The following SORBS2 variants were observed in gnomAD, a reference collection of about 807,000 sequenced individuals.
The protein encoded by SORBS2 is sorbin and SH3 domain containing 2, also known as sorbin and SH3 domain-containing protein 2.
A neutral mutation model predicts 97.7 loss-of-function variants in SORBS2; 46 were observed. The observed-to-expected ratio is 0.47, with a 90% CI of 0.37 to 0.60. The LOEUF is 0.60. Among genes scored for constraint, SORBS2 ranks in the 20% least tolerant of loss-of-function variants. SORBS2 has a pLI of 0.00. For synonymous variants in SORBS2, 476 were observed against 473.4 expected (o/e 1.01, Z -0.07); for missense variants, 1,316 against 1,282.3 (o/e 1.03, Z -0.40).
intron 2 of SORBS2, among the ~76,000 whole-genome samples, chr4:185,759,675 TA>T (rs1457365775): frequency 3.3e-5 from 5 of 152,054 alleles, no homozygotes; most frequent in African/African-American, 1.2e-4. Flanking sequence ...TTGATGATAT[TA>T]AGCTGTGGTT....
chr4:185,652,923 C>T lies in SORBS2; in HGVS notation c.25-195G>A, dbSNP rs140121050. Among the ~76,000 whole-genome samples the T allele has an allele frequency of 2.8e-3, 428 of 152,218 alleles. 3 individuals are homozygous for T. Among genetic ancestry groups the T allele is most frequent in the African/African-American group, 9.6e-3 (400 of 41,540 alleles). ...TGTGTGCAGTTTGTAAACATATGGC[C>T]TTGTGTTTGAATTTAGGCTGAGTTG... On this transcript the variant is annotated intron_variant, in intron 1 of 14. Coordinates refer to ENST00000418609, the Ensembl canonical transcript of SORBS2.
chr4:185,735,838 C>T (rs1371551621), intron 2 of SORBS2, among the ~76,000 whole-genome samples: 1 of 152,166 alleles, frequency 6.6e-6, no homozygotes, highest in African/African-American at 2.4e-5. Flanking sequence ...GCAATTAACA[C>T]ATATCCCAGA....
In SORBS2 at chr4:185,690,650, G is replaced by A. The variant is rs1582820376; in HGVS notation, c.-197-11828C>T. 5 of 870,484 alleles carry A rather than the reference G, an allele frequency of 5.7e-6. No individual in the cohort carries two copies. In the East Asian group the frequency reaches 1.1e-4, roughly 19 times the overall value. 53.9% of individuals were successfully genotyped at this position (870,484 alleles called of 1,614,324 possible). A position where few individuals can be genotyped will look rare whatever the true frequency, so the allele number is the denominator to read the frequency against. ...ATGGTGCATAATTGTTCACTAGCAT[G>A]TGGAAGAAAATATCATGAAAGTGTG... On this transcript the variant is annotated intron_variant, in intron 2 of 20. Coordinates refer to the SORBS2 transcript ENST00000284776.
rs150507783 is a variant in SORBS2, at chr4:185,888,287, C to A, written c.-338+67909G>T. Reference sequence around the variant, plus strand: ...TTATCCTGGATTATCTGGATGGGCTCTAAATGCAATCACATGTGTCCCTAG... The same window carrying A: ...TTATCCTGGATTATCTGGATGGGCTATAAATGCAATCACATGTGTCCCTAG... On this transcript the variant is annotated intron_variant, in intron 1 of 20. Coordinates refer to the SORBS2 transcript ENST00000284776. Among the ~76,000 whole-genome samples the A allele has an allele frequency of 5.3e-3, 809 of 152,062 alleles. 8 individuals are homozygous for A. Among genetic ancestry groups the A allele is most frequent in the African/African-American group, 0.019 (770 of 41,462 alleles).
chr4:185,741,388 CTTTT>C, intron 2 of SORBS2, among the ~76,000 whole-genome samples: 1 of 134,268 alleles, frequency 7.4e-6, no homozygotes, highest in Middle Eastern at 3.7e-3. Context: ...TTCTTTCTTT[CTTTT>C]CTTTTTTTTT....
chr4:185,794,161 A>G (rs2099094569), intron 1 of SORBS2, among the ~76,000 whole-genome samples: 1 of 152,242 alleles, frequency 6.6e-6, no homozygotes, highest in African/African-American at 2.4e-5. Context: ...CTTAAGTATA[A>G]CAAATGTCAC....
chr4:185,911,196 T>C (rs116164443), intron 1 of SORBS2, among the ~76,000 whole-genome samples: 2,072 of 152,272 alleles, frequency 0.014, 34 homozygotes, highest in African/African-American at 0.036. Flanking sequence ...ATATGTCTGA[T>C]AAAAACTGTC....
intron 8 of SORBS2, 71 bp from the exon 21 acceptor site, chr4:185,618,702 C>T: frequency 2.1e-6 from 2 of 974,964 alleles, no homozygotes; most frequent in Non-Finnish European, 3.1e-6. Context: ...GTTTAATGTG[C>T]CTTAAAGAAA....
At chr4:185,936,000 C>A (rs2099268758) in intron 1 of SORBS2, among the ~76,000 whole-genome samples, 1 of 152,150 alleles carries the variant, frequency 6.6e-6, no homozygotes, top group Non-Finnish European at 1.5e-5. Flanking sequence ...TACAGGTGTG[C>A]ACCACCATGC....
At chr4:185,590,086 A>G (rs1182627925) in intron 13 of SORBS2, among the ~76,000 whole-genome samples, 1 of 152,266 alleles carries the variant, frequency 6.6e-6, no homozygotes, top group Admixed American at 6.5e-5. Flanking sequence ...GTCAACATGT[A>G]TAAGTCAGAC....
chr4:185,914,875 A>G (rs916543701), intron 1 of SORBS2, among the ~76,000 whole-genome samples: 6 of 152,188 alleles, frequency 3.9e-5, no homozygotes, highest in Admixed American at 3.9e-4. Flanking sequence ...ATACACAATC[A>G]ATTTGTAATT....
chr4:185,615,518 T>A (rs1326228650), intron 9 of SORBS2, among the ~76,000 whole-genome samples: 1 of 152,122 alleles, frequency 6.6e-6, no homozygotes, highest in African/African-American at 2.4e-5. Context: ...CACTGATTTT[T>A]TTTTTTTTTG....
intron 2 of SORBS2, among the ~76,000 whole-genome samples, chr4:185,728,633 T>C (rs2098584713): frequency 6.6e-6 from 1 of 152,232 alleles, no homozygotes; most frequent in Non-Finnish European, 1.5e-5. Context: ...GCACTCATTA[T>C]TTTAATCGGA....
intron 1 of SORBS2, among the ~76,000 whole-genome samples, chr4:185,912,741 T>C (rs1208852840): frequency 6.6e-6 from 1 of 152,126 alleles, no homozygotes; most frequent in African/African-American, 2.4e-5. Context: ...TTCACCATGC[T>C]AATTATAAAG....
chr4:185,730,375 G>A (rs2098608162), intron 2 of SORBS2, among the ~76,000 whole-genome samples: 1 of 148,866 alleles, frequency 6.7e-6, no homozygotes, highest in Non-Finnish European at 1.5e-5. Context: ...TGGAGAGTGG[G>A]TTGAAGTTTT....
chr4:185,718,395 T>C (rs2098483652), intron 2 of SORBS2, among the ~76,000 whole-genome samples: 1 of 152,136 alleles, frequency 6.6e-6, no homozygotes, highest in Non-Finnish European at 1.5e-5. Context: ...TCAGGATCAG[T>C]TGTATAAAAT....
intron 4 of SORBS2, among the ~76,000 whole-genome samples, chr4:185,666,906 A>G (rs1459489719): frequency 6.6e-6 from 1 of 152,212 alleles, no homozygotes; most frequent in Admixed American, 6.5e-5. Context: ...GGTAAAGGAG[A>G]AAGAAACTGA....
At chr4:185,915,835 A>T (rs2099257834) in intron 1 of SORBS2, among the ~76,000 whole-genome samples, 1 of 152,228 alleles carries the variant, frequency 6.6e-6, no homozygotes, top group Non-Finnish European at 1.5e-5. Context: ...AGTAACACAA[A>T]AAAACCTAAC....
In SORBS2 at chr4:185,638,166, G is replaced by T; in HGVS notation, c.397-7568C>A. On this transcript the variant is annotated intron_variant, in intron 4 of 14. Transcript: ENST00000418609. The stretch of plus-strand genomic sequence containing the variant: ...CATCTGGATTTATGCGATCAGTCTA[G>T]AGCAGATGTGAAGGAAAAGGGAAGG... 2 of 1,579,808 alleles carry T rather than the reference G, an allele frequency of 1.3e-6. No individual in the cohort carries two copies. The highest frequency in any genetic ancestry group is 1.1e-5 in the South Asian group (1 of 90,322).
Sources: allele counts gnomAD v4.1 joint callset (sites outside exome capture counted in the v4.1 genomes callset), GRCh38; gene constraint gnomAD v4.1.1; transcripts MANE v1.5; gene names NCBI Gene and HGNC (gene_info 2026-07-23, HGNC 2026-07-21).